Variants in GRID2 observed in about 807,000 individuals in gnomAD.
GRID2 encodes the protein glutamate ionotropic receptor delta type subunit 2.
Under a neutral mutation model 114.8 loss-of-function variants are expected in GRID2, and 33 were observed. The observed-to-expected ratio is 0.29, with a 90% CI of 0.22 to 0.38. The LOEUF is 0.38. Among genes scored for constraint, GRID2 ranks in the 10% least tolerant of loss-of-function variants. The pLI is 1.00. For missense variants in GRID2, 1,184 were observed against 1,257.7 expected (o/e 0.94, Z 0.89); for synonymous variants, 505 against 449.9 (o/e 1.12, Z -1.55).
chr4:92,757,668 C>T (rs1248711652), intron 2 of GRID2, among the ~76,000 whole-genome samples: 1 of 151,864 alleles, frequency 6.6e-6, no homozygotes, highest in Non-Finnish European at 1.5e-5. Context: ...ATAAATTCAG[C>T]TCAAGAGCCA....
intron 2 of GRID2, among the ~76,000 whole-genome samples, chr4:92,915,798 G>T (rs533160183): frequency 1.8e-4 from 28 of 152,150 alleles, no homozygotes; most frequent in South Asian, 4.1e-4. Context: ...GTTTTGATTT[G>T]CATTTCTCTA....
intron 2 of GRID2, among the ~76,000 whole-genome samples, chr4:92,853,286 T>C (rs1743955462): frequency 6.6e-6 from 1 of 152,022 alleles, no homozygotes; most frequent in African/African-American, 2.4e-5. Context: ...AATAATTGAT[T>C]AAGACAATGA....
intron 2 of GRID2, among the ~76,000 whole-genome samples, chr4:92,710,670 A>G (rs1735202257): frequency 6.6e-6 from 1 of 152,000 alleles, no homozygotes; most frequent in Non-Finnish European, 1.5e-5. Context: ...TCCTTGATAC[A>G]CCCTTGATAT....
intron 1 of GRID2, among the ~76,000 whole-genome samples, chr4:92,317,599 C>A (rs1461269464): frequency 6.6e-6 from 1 of 151,912 alleles, no homozygotes; most frequent in Non-Finnish European, 1.5e-5. Context: ...TGGCCAAAAG[C>A]AAGAAAAAAG....
chr4:92,788,173 T>C (rs959343539), intron 2 of GRID2, among the ~76,000 whole-genome samples: 10 of 151,688 alleles, frequency 6.6e-5, no homozygotes, highest in South Asian at 6.2e-4. Flanking sequence ...TGGGGTATTC[T>C]AGCATTAAGT....
intron 4 of GRID2, among the ~76,000 whole-genome samples, chr4:93,111,792 T>G (rs1275278922): frequency 6.7e-6 from 1 of 149,618 alleles, no homozygotes; most frequent in Non-Finnish European, 1.5e-5. Context: ...TATGCTTCTG[T>G]TAGCTCCTGA....
intron 13 of GRID2, among the ~76,000 whole-genome samples, chr4:93,611,914 G>T (rs1228688353): frequency 6.6e-6 from 1 of 150,408 alleles, no homozygotes; most frequent in Non-Finnish European, 1.5e-5. Context: ...TGACAGTGGG[G>T]TGTTAAAGTC....
chr4:92,464,650 A>G (rs1388488418), intron 1 of GRID2, among the ~76,000 whole-genome samples: 2 of 152,162 alleles, frequency 1.3e-5, no homozygotes, highest in Non-Finnish European at 2.9e-5. Context: ...AGAGAATCAA[A>G]GACAAAAAAG....
At chr4:93,481,492 T>G (rs1017919173) in intron 11 of GRID2, among the ~76,000 whole-genome samples, 1 of 152,116 alleles carries the variant, frequency 6.6e-6, no homozygotes. Flanking sequence ...ATTAAAATTT[T>G]ACCTTATTTC....
chr4:93,039,530 C>A (rs1725286949), intron 2 of GRID2, among the ~76,000 whole-genome samples: 1 of 151,842 alleles, frequency 6.6e-6, no homozygotes, highest in African/African-American at 2.4e-5. Context: ...TATCTGTCCT[C>A]ATTAGTTGGA....
chr4:93,661,541 T>A (rs1723490825), intron 14 of GRID2, among the ~76,000 whole-genome samples: 1 of 152,164 alleles, frequency 6.6e-6, no homozygotes, highest in African/African-American at 2.4e-5. Context: ...TGCCATGAGC[T>A]TAATGTTTGT....
rs563716982 is a variant in GRID2 at position 93,011,120 on chromosome 4, GT to G, written c.245-73865del. Reference sequence around the variant, plus strand: ...TTTTTTAAAAATATATTTAAGACAGGTTTTTTTTTTGTTTCTTTTTTGTTGT... The same window carrying G: ...TTTTTTAAAAATATATTTAAGACAGGTTTTTTTTTGTTTCTTTTTTGTTGT... On this transcript the variant is annotated intron_variant, in intron 2 of 15. Transcript: ENST00000282020. 3.2e-3 allele frequency among the ~76,000 whole-genome samples: 459 copies of G among 142,124 alleles called. 1 individual carries two copies. The highest frequency in any genetic ancestry group is 0.015 in the Middle Eastern group (4 of 268). The allele number at this position is 142,124 out of a possible 152,430, so 93.2% of individuals were successfully genotyped here.
intron 11 of GRID2, among the ~76,000 whole-genome samples, chr4:93,481,943 A>G (rs1261908862): frequency 6.6e-6 from 1 of 152,022 alleles, no homozygotes; most frequent in Non-Finnish European, 1.5e-5. Context: ...CTTGAAATTC[A>G]GATTACAGAA....
Position 93,515,201 on chromosome 4 carries a change from C to T in GRID2, c.1998-15C>T. ...AATGTGTCTCTTGTGTCTCTCTTCT[C>T]TCCCAATAATCAAGGTCTCTCCAGG... On this transcript the variant is annotated splice_polypyrimidine_tract_variant and intron_variant, in intron 12 of 15. Coordinates refer to ENST00000282020, the MANE Select transcript of GRID2 (RefSeq NM_001510.4). The T allele has an allele frequency of 7.3e-7, 1 of 1,368,460 alleles. No homozygotes were observed. The highest frequency in any genetic ancestry group is 2.5e-5 in the East Asian group (1 of 39,886). The allele number at this position is 1,368,460 out of a possible 1,614,324, so 84.8% of individuals were successfully genotyped here.
At chr4:92,547,065 C>T (rs1482535714) in intron 1 of GRID2, among the ~76,000 whole-genome samples, 1 of 152,136 alleles carries the variant, frequency 6.6e-6, no homozygotes, top group Non-Finnish European at 1.5e-5. Flanking sequence ...GAGAATTGCT[C>T]TTCCAAAAAT....
intron 2 of GRID2, among the ~76,000 whole-genome samples, chr4:92,919,994 G>A (rs577921187): frequency 1.3e-5 from 2 of 152,098 alleles, no homozygotes; most frequent in Non-Finnish European, 2.9e-5. Flanking sequence ...AAGTCTCTTT[G>A]TAGGTCCAAG....
At chr4:93,566,907 A>G (rs1735483298) in intron 13 of GRID2, among the ~76,000 whole-genome samples, 3 of 152,156 alleles carry the variant, frequency 2.0e-5, no homozygotes. Flanking sequence ...TTTTATCTCA[A>G]CTTTCAAGGT....
chr4:92,977,913 C>A (rs1354590061), intron 2 of GRID2, among the ~76,000 whole-genome samples: 1 of 152,126 alleles, frequency 6.6e-6, no homozygotes, highest in Non-Finnish European at 1.5e-5. Context: ...GAATTATTTT[C>A]ACAGTATGTG....
At chr4:92,591,184 A>G (rs1404995071) in intron 2 of GRID2, among the ~76,000 whole-genome samples, 2 of 152,088 alleles carry the variant, frequency 1.3e-5, no homozygotes, top group East Asian at 1.9e-4. Flanking sequence ...GTGCCCTTAT[A>G]AAACAGGCCC....
Sources: allele counts gnomAD v4.1 joint callset (sites outside exome capture counted in the v4.1 genomes callset), GRCh38; gene constraint gnomAD v4.1.1; transcripts MANE v1.5; gene names NCBI Gene and HGNC (gene_info 2026-07-23, HGNC 2026-07-21).